SIN3A: variants seen among roughly 807,000 people sequenced by gnomAD.
SIN3A encodes paired amphipathic helix protein Sin3a.
Under a neutral mutation model 146.1 loss-of-function variants are expected in SIN3A, and 14 were observed. The ratio of observed to expected loss-of-function variants is 0.10; its 90% CI spans 0.06 to 0.15. The LOEUF is 0.15. Ranked by LOEUF, SIN3A falls within the 10% of genes least tolerant of loss-of-function variation. The pLI, the probability that SIN3A is intolerant of heterozygous loss-of-function variation, is 1.00. For missense variants in SIN3A, 1,028 were observed against 1,576.0 expected (o/e 0.65, Z 5.89); for synonymous variants, 572 against 572.0 (o/e 1.00, Z 0.00).
chr15:75,384,170 G>T lies in SIN3A; in HGVS notation c.3195+94C>A, dbSNP rs1363671446. The T allele has an allele frequency of 6.9e-6, 7 of 1,019,772 alleles. No individual in the cohort carries two copies. In the African/African-American group the frequency reaches 9.8e-5, roughly 14 times the overall value. 63.2% of individuals were successfully genotyped at this position (1,019,772 alleles called of 1,614,324 possible). ...TAAAAGGTCCAGGAGTAGAATCACA[G>T]GTCAAAGTACCCCGGCTTTAACTTC... On this transcript the variant is annotated intron_variant, in intron 17 of 20. Coordinates refer to ENST00000394947, the MANE Select transcript of SIN3A (RefSeq NM_001145358.2).
chr15:75,412,712 G>C, intron 5 of SIN3A, 51 bp downstream of exon 5: 1 of 1,459,084 alleles, frequency 6.9e-7, no homozygotes. Context: ...TCAAAGGAAG[G>C]TGCTCTCTAG....
At chr15:75,453,147 C>T (rs1275472585), upstream of SIN3A, 1 of 152,290 alleles carries the variant, frequency 6.6e-6, no homozygotes, top group Non-Finnish European at 1.5e-5. Flanking sequence ...CCCAGGGAAC[C>T]CACGCCTAGG....
chr15:75,431,850 T>G (rs1333046448), intron 1 of SIN3A, among the ~76,000 whole-genome samples: 1 of 152,196 alleles, frequency 6.6e-6, no homozygotes, highest in Non-Finnish European at 1.5e-5. Flanking sequence ...CTCAGGTTTT[T>G]CTCACATTTC....
intron 14 of SIN3A, among the ~76,000 whole-genome samples, chr15:75,394,459 G>T (rs946978225): frequency 6.6e-6 from 1 of 152,152 alleles, no homozygotes; most frequent in African/African-American, 2.4e-5. Flanking sequence ...TTGAAACCAG[G>T]ACAGTAAACT....
intron 1 of SIN3A, among the ~76,000 whole-genome samples, chr15:75,438,185 ACT>A (rs1305748256): frequency 1.3e-5 from 2 of 152,032 alleles, no homozygotes; most frequent in East Asian, 1.9e-4. Flanking sequence ...ACATGGCGAA[ACT>A]CTGTCTTTAC....
intron 12 of SIN3A, among the ~76,000 whole-genome samples, chr15:75,398,804 G>A (rs1352048475): frequency 6.6e-6 from 1 of 151,934 alleles, no homozygotes; most frequent in Admixed American, 6.6e-5. Context: ...GGACCCAAGA[G>A]TTTGAGACCA....
chr15:75,411,252 C>T (rs535394221), intron 6 of SIN3A, among the ~76,000 whole-genome samples: 1 of 152,258 alleles, frequency 6.6e-6, no homozygotes, highest in African/African-American at 2.4e-5. Flanking sequence ...CACTTGAGCC[C>T]GGGAGGCGGA....
chr15:75,444,237 T>C (rs772870647), intron 1 of SIN3A, among the ~76,000 whole-genome samples: 6 of 152,052 alleles, frequency 3.9e-5, no homozygotes, highest in Non-Finnish European at 7.4e-5. Flanking sequence ...GATAAGAAGT[T>C]TGAGGCCAGC....
chr15:75,448,507 A>C (rs962186834), intron 1 of SIN3A, among the ~76,000 whole-genome samples: 6 of 152,030 alleles, frequency 3.9e-5, no homozygotes, highest in Non-Finnish European at 5.9e-5. Flanking sequence ...AAAAAAAAAA[A>C]GTCTAGTGCC....
chr15:75,411,441 A>C (rs376259176), intron 6 of SIN3A, 51 bp downstream of exon 6: 1 of 1,546,206 alleles, frequency 6.5e-7, no homozygotes. Context: ...ATTGGACTAG[A>C]TGCCCTAAGA....
rs1219347139 is a variant in SIN3A at position 75,370,431 on chromosome 15, G to A, written c.*1548C>T. Reference sequence around the variant, plus strand: ...GAAGAAAAATCCACCAGAGTACTGGGAGGGGCTCAGTTGGTCTTTGTTCAG... The same window carrying A: ...GAAGAAAAATCCACCAGAGTACTGGAAGGGGCTCAGTTGGTCTTTGTTCAG... On this transcript the variant is annotated 3_prime_UTR_variant, in exon 21 of 21. Coordinates refer to ENST00000394947, the MANE Select transcript of SIN3A (RefSeq NM_001145358.2). 6.6e-6 allele frequency: 1 copy of A among 152,204 alleles called. No homozygotes were observed. The highest frequency in any genetic ancestry group is 1.5e-5 in the Non-Finnish European group (1 of 68,048). 9.4% of individuals were successfully genotyped at this position (152,204 alleles called of 1,614,324 possible). A position where few individuals can be genotyped will look rare whatever the true frequency, so the allele number is the denominator to read the frequency against.
At position 75,411,433 on chromosome 15, in the gene SIN3A, T is replaced by C. The variant is rs887718193; in HGVS notation, c.1008+59A>G. Reference sequence around the variant, plus strand: ...GGACACAATAATGGTTACTTGTTATTGGACTAGATGCCCTAAGAGGGTGAC... The same window carrying C: ...GGACACAATAATGGTTACTTGTTATCGGACTAGATGCCCTAAGAGGGTGAC... On this transcript the variant is annotated intron_variant, in intron 6 of 20. Coordinates refer to ENST00000394947, the MANE Select transcript of SIN3A (RefSeq NM_001145358.2). 92 of 1,509,048 alleles carry C rather than the reference T, an allele frequency of 6.1e-5. 5 individuals carry two copies. In the Admixed American group the frequency reaches 1.7e-3, roughly 28 times the overall value. 93.5% of individuals were successfully genotyped at this position (1,509,048 alleles called of 1,614,324 possible).
intron 1 of SIN3A, among the ~76,000 whole-genome samples, chr15:75,433,382 T>C (rs2074048389): frequency 6.6e-6 from 1 of 152,192 alleles, no homozygotes; most frequent in South Asian, 2.1e-4. Flanking sequence ...TACAGTACTA[T>C]GGTTTATTCT....
intron 8 of SIN3A, among the ~76,000 whole-genome samples, chr15:75,407,870 G>T (rs1489600174): frequency 8.4e-6 from 1 of 119,308 alleles, no homozygotes; most frequent in African/African-American, 3.2e-5. Context: ...TCCAGCCTGG[G>T]CAACAGAGTG....
At chr15:75,373,558 T>C (rs1291802138) in intron 20 of SIN3A, among the ~76,000 whole-genome samples, 1 of 152,122 alleles carries the variant, frequency 6.6e-6, no homozygotes, top group Non-Finnish European at 1.5e-5. Flanking sequence ...AGAGTAAATG[T>C]ATCTTCTCTT....
Position 75,400,882 on chromosome 15 carries a change from G to A in SIN3A, c.1585C>T (p.His529Tyr). 2 of 1,614,138 alleles carry A rather than the reference G, an allele frequency of 1.2e-6. No individual in the cohort carries two copies. Among genetic ancestry groups the A allele is most frequent in the Non-Finnish European group, 1.7e-6 (2 of 1,180,014 alleles). ...KNFLGYKESV[H>Y]LETYPKERAT... The stretch of plus-strand genomic sequence containing the variant: ...CGCTCCTTTGGATAAGTTTCCAGAT[G>A]TACAGACTCCTTATAGCCCAGAAAG... The change falls in exon 11 of 21, where the codon CAT becomes TAT. Residue 529 changes from histidine to tyrosine, a missense_variant. By Grantham distance (83) the His-to-Tyr change is moderately conservative. Coordinates refer to ENST00000394947, the MANE Select transcript of SIN3A (RefSeq NM_001145358.2).
rs1026505901 is a variant in SIN3A at position 75,424,600 on chromosome 15, G to A, written c.190-1777C>T. ...GATGATCCTCCCACCCCAGCTTCCC[G>A]AGTAGCTGGGACTACAGGCATGTAC... On this transcript the variant is annotated intron_variant, in intron 2 of 20. Coordinates refer to ENST00000394947, the MANE Select transcript of SIN3A (RefSeq NM_001145358.2). Among the ~76,000 whole-genome samples, 11 of 151,878 alleles carry A rather than the reference G, an allele frequency of 7.2e-5. No homozygotes were observed. In the East Asian group the frequency reaches 1.4e-3, roughly 19 times the overall value.
chr15:75,453,895 TTG>T (rs1237518195), upstream of SIN3A: 4 of 152,298 alleles, frequency 2.6e-5, no homozygotes, highest in Non-Finnish European at 5.9e-5. Context: ...GGTGGAACCT[TTG>T]TGTGGCTTCT....
chr15:75,451,366 G>C (rs1485050590), intron 1 of SIN3A, 57 bp downstream of exon 1: 3 of 138,100 alleles, frequency 2.2e-5, no homozygotes, highest in Admixed American at 2.2e-4. Context: ...ACACCCTCGA[G>C]TCCGGCGTTA....
Sources: gnomAD v4.1 joint callset for allele counts (sites outside exome capture counted in the v4.1 genomes callset) on GRCh38, gnomAD v4.1.1 for gene constraint, MANE v1.5 for transcripts, NCBI Gene and HGNC (gene_info 2026-07-23, HGNC 2026-07-21) for gene names.